Variants in KCNIP1 observed in about 807,000 individuals in gnomAD.
KCNIP1 encodes the protein A-type potassium channel modulatory protein KCNIP1.
In KCNIP1, 18 loss-of-function variants were observed where a neutral mutation model predicts 33.0. That is an observed-to-expected ratio of 0.55 (90% CI 0.38 to 0.81). The LOEUF is 0.81. Ranked by LOEUF, KCNIP1 falls within the 30% of genes least tolerant of loss-of-function variation. The pLI is 0.00. For missense variants in KCNIP1, 238 were observed against 271.6 expected, an observed-to-expected ratio of 0.88 and a Z score of 0.87; for synonymous variants, 93 against 98.3, an observed-to-expected ratio of 0.95 and a Z score of 0.32.
intron 1 of KCNIP1, among the ~76,000 whole-genome samples, chr5:170,464,672 T>C (rs1756572651): frequency 6.6e-6 from 1 of 152,046 alleles, no homozygotes; most frequent in South Asian, 2.1e-4. Context: ...CAAATGCGGG[T>C]CCACATTCAG....
At chr5:170,420,949 C>A (rs7706807) in intron 1 of KCNIP1, among the ~76,000 whole-genome samples, 3 of 152,228 alleles carry the variant, frequency 2.0e-5, no homozygotes, top group Non-Finnish European at 2.9e-5. Context: ...AGCCGGACAG[C>A]GAGGTCTAGC....
intron 1 of KCNIP1, among the ~76,000 whole-genome samples, chr5:170,392,098 T>C (rs370959825): frequency 9.8e-5 from 15 of 152,300 alleles, no homozygotes; most frequent in African/African-American, 3.6e-4. Flanking sequence ...TCTCGGGACA[T>C]GTACCTGGGA....
chr5:170,360,359 C>A (rs1270074158), intron 1 of KCNIP1, among the ~76,000 whole-genome samples: 1 of 152,220 alleles, frequency 6.6e-6, no homozygotes, highest in Non-Finnish European at 1.5e-5. Context: ...AACAGGACAG[C>A]CTTGGGCAAG....
At chr5:170,511,729 G>A (rs1034897654) in intron 1 of KCNIP1, among the ~76,000 whole-genome samples, 4 of 152,164 alleles carry the variant, frequency 2.6e-5, no homozygotes, top group Non-Finnish European at 5.9e-5. Context: ...TGCAGTTGAG[G>A]AACCTGAGGC....
At chr5:170,648,342 A>G (rs1423355052) in intron 1 of KCNIP1, among the ~76,000 whole-genome samples, 1 of 152,250 alleles carries the variant, frequency 6.6e-6, no homozygotes, top group Non-Finnish European at 1.5e-5. Context: ...TGTTTACAGC[A>G]GCTTTATTCA....
rs187683622 is a variant in KCNIP1, at chr5:170,654,994, A to G, written c.62-63764A>G. Among the ~76,000 whole-genome samples the G allele has an allele frequency of 2.5e-3, 388 of 152,368 alleles. 1 individual carries two copies. Among genetic ancestry groups the G allele is most frequent in the African/African-American group, 8.6e-3 (359 of 41,588 alleles). On this transcript the variant is annotated intron_variant, in intron 1 of 7. Coordinates refer to ENST00000328939, the MANE Select transcript of KCNIP1 (RefSeq NM_014592.4). ...AAAAATGAGCCAGAATCTAGTTTGCATCATTACCACTTATAAAAATAAGGA... is the reference window on the plus strand; with the variant it reads ...AAAAATGAGCCAGAATCTAGTTTGCGTCATTACCACTTATAAAAATAAGGA...
chr5:170,372,605 T>G (rs1384386623), intron 1 of KCNIP1, among the ~76,000 whole-genome samples: 21 of 151,624 alleles, frequency 1.4e-4, no homozygotes, highest in Admixed American at 1.3e-3. Context: ...CTATCGCCCC[T>G]AAAGGACCTC....
intron 1 of KCNIP1, among the ~76,000 whole-genome samples, chr5:170,629,517 G>T (rs1440722774): frequency 6.6e-6 from 1 of 152,172 alleles, no homozygotes. Context: ...CAGGCCAGAG[G>T]TGCTAGCTGG....
chr5:170,442,075 T>G (rs1257366606), intron 1 of KCNIP1, among the ~76,000 whole-genome samples: 1 of 151,700 alleles, frequency 6.6e-6, no homozygotes, highest in Non-Finnish European at 1.5e-5. Context: ...AAGATTGTTC[T>G]CAAGCTTTTG....
chr5:170,473,020 G>A (rs1453074017), intron 1 of KCNIP1, among the ~76,000 whole-genome samples: 2 of 152,096 alleles, frequency 1.3e-5, no homozygotes, highest in African/African-American at 2.4e-5. Context: ...GTTTTCCATC[G>A]TGGCTGTTCT....
At chr5:170,358,134 G>T (rs1460419386) in intron 1 of KCNIP1, among the ~76,000 whole-genome samples, 1 of 152,138 alleles carries the variant, frequency 6.6e-6, no homozygotes, top group African/African-American at 2.4e-5. Context: ...TGGCTGGGGA[G>T]GTTTAAACTC....
chr5:170,441,951 C>CAAA (rs34610945), intron 1 of KCNIP1, among the ~76,000 whole-genome samples: 82 of 72,138 alleles, frequency 1.1e-3, no homozygotes, highest in Non-Finnish European at 1.2e-3. Context: ...GACTCCATCT[C>CAAA]AAAAAAAAAA....
intron 1 of KCNIP1, among the ~76,000 whole-genome samples, chr5:170,623,215 T>A (rs1329719245): frequency 1.3e-5 from 2 of 151,094 alleles, no homozygotes; most frequent in Non-Finnish European, 1.5e-5. Flanking sequence ...CCTGTCTTTT[T>A]TTTTTTCTTT....
At chr5:170,410,226 A>G (rs1480993268) in intron 1 of KCNIP1, among the ~76,000 whole-genome samples, 3 of 152,132 alleles carry the variant, frequency 2.0e-5, no homozygotes, top group Non-Finnish European at 1.5e-5. Context: ...GGGATTGCAG[A>G]CATAGCATGG....
Position 170,605,100 on chromosome 5 carries a change from A to G in KCNIP1, c.61+100467A>G, listed in dbSNP as rs1758853386. On this transcript the variant is annotated intron_variant, in intron 1 of 7. Transcript: ENST00000328939. The stretch of plus-strand genomic sequence containing the variant: ...TGGGTTTGATTTTTGGCTCTGTGTC[A>G]CAGGCCTCATGAGATGTGCTCACCT... 2.0e-5 allele frequency among the ~76,000 whole-genome samples: 3 copies of G among 152,178 alleles called. No homozygotes were observed. In the South Asian group the frequency reaches 6.2e-4, roughly 32 times the overall value.
chr5:170,413,422 T>A (rs544735036), intron 1 of KCNIP1, among the ~76,000 whole-genome samples: 9 of 152,346 alleles, frequency 5.9e-5, no homozygotes, highest in African/African-American at 2.2e-4. Flanking sequence ...GCTGCAGCTG[T>A]GTGGTACTAG....
chr5:170,685,133 C>T (rs1010871850), intron 1 of KCNIP1, among the ~76,000 whole-genome samples: 1 of 152,028 alleles, frequency 6.6e-6, no homozygotes, highest in South Asian at 2.1e-4. Context: ...TGCGTGGGTT[C>T]CCAATTTGGC....
chr5:170,647,511 A>G (rs1026025444), intron 1 of KCNIP1, among the ~76,000 whole-genome samples: 31 of 152,094 alleles, frequency 2.0e-4, no homozygotes, highest in Admixed American at 1.9e-3. Context: ...GAACAGAGGC[A>G]ATACAGAGGA....
intron 1 of KCNIP1, among the ~76,000 whole-genome samples, chr5:170,543,078 G>A (rs189169701): frequency 1.4e-3 from 209 of 152,310 alleles, no homozygotes; most frequent in Admixed American, 4.2e-3. Flanking sequence ...TCTTTTGTAA[G>A]GGTACTGATC....
Sources: gnomAD v4.1 joint callset for allele counts (sites outside exome capture counted in the v4.1 genomes callset) on GRCh38, gnomAD v4.1.1 for gene constraint, MANE v1.5 for transcripts, NCBI Gene and HGNC (gene_info 2026-07-23, HGNC 2026-07-21) for gene names.